XRCC4: variants seen among roughly 807,000 people sequenced by gnomAD.
XRCC4 encodes the protein DNA repair protein XRCC4.
Under a neutral mutation model 39.1 loss-of-function variants are expected in XRCC4, and 28 were observed. The observed-to-expected ratio is 0.72, with a 90% CI of 0.53 to 0.98. XRCC4 has a LOEUF of 0.98. XRCC4 is among the 50% of genes least tolerant of loss of function. The probability of loss-of-function intolerance (pLI) is 0.00; values close to 1 mark genes in which losing one functional copy is unlikely to be tolerated. For synonymous variants in XRCC4, 123 were observed against 126.4 expected (o/e 0.97, Z 0.18); for missense variants, 350 against 376.4 (o/e 0.93, Z 0.58).
intron 3 of XRCC4, among the ~76,000 whole-genome samples, chr5:83,156,567 C>T (rs1748975366): frequency 6.6e-6 from 1 of 151,720 alleles, no homozygotes; most frequent in African/African-American, 2.4e-5. Flanking sequence ...AATTTTTTTT[C>T]ACTGAGCTAT....
At chr5:83,312,036 T>C (rs543265615) in intron 7 of XRCC4, among the ~76,000 whole-genome samples, 3 of 152,250 alleles carry the variant, frequency 2.0e-5, no homozygotes, top group East Asian at 3.9e-4. Flanking sequence ...CCTGGGAACA[T>C]ATATTCTGCC....
chr5:83,104,449 T>G (rs1339653072), intron 1 of XRCC4, among the ~76,000 whole-genome samples: 1 of 152,172 alleles, frequency 6.6e-6, no homozygotes, highest in Non-Finnish European at 1.5e-5. Context: ...AAAGAAGTGG[T>G]AAAATTTACT....
chr5:83,291,682 A>G (rs1223144726), intron 7 of XRCC4, among the ~76,000 whole-genome samples: 1 of 151,722 alleles, frequency 6.6e-6, no homozygotes, highest in Admixed American at 6.6e-5. Context: ...TCAAATTCAT[A>G]TGTACCTGAC....
At position 83,113,291 on chromosome 5, in the gene XRCC4, A is replaced by T. The variant is rs560516524; in HGVS notation, c.315+2088A>T. ...TGACTCCATATCTCACATCCAGGTG[A>T]TGCTAATGCAAGAGGCGGACTCCCA... On this transcript the variant is annotated intron_variant, in intron 3 of 7. Transcript: ENST00000396027. 1.7e-4 allele frequency among the ~76,000 whole-genome samples: 26 copies of T among 152,342 alleles called. No individual in the cohort carries two copies. The South Asian group carries it at 5.4e-3, about 32-fold the overall frequency.
chr5:83,318,139 T>C (rs1246473627), intron 7 of XRCC4, among the ~76,000 whole-genome samples: 1 of 145,990 alleles, frequency 6.8e-6, no homozygotes, highest in African/African-American at 2.8e-5. Flanking sequence ...AAAAAGCCTT[T>C]GACAAAATTC....
At chr5:83,184,995 A>G (rs943586537) in intron 3 of XRCC4, among the ~76,000 whole-genome samples, 2 of 152,090 alleles carry the variant, frequency 1.3e-5, no homozygotes, top group Non-Finnish European at 2.9e-5. Context: ...TCAGGATCCC[A>G]CTATAAATTG....
At chr5:83,226,816 C>T (rs913724757) in intron 6 of XRCC4, among the ~76,000 whole-genome samples, 1 of 152,092 alleles carries the variant, frequency 6.6e-6, no homozygotes, top group Non-Finnish European at 1.5e-5. Flanking sequence ...GATGTTTATT[C>T]GGTGCATTTG....
At chr5:83,247,905 T>G (rs1753167123) in intron 6 of XRCC4, among the ~76,000 whole-genome samples, 1 of 152,176 alleles carries the variant, frequency 6.6e-6, no homozygotes, top group African/African-American at 2.4e-5. Flanking sequence ...CATTTTTCAT[T>G]TTTCTTGATT....
intron 3 of XRCC4, among the ~76,000 whole-genome samples, chr5:83,153,469 G>C (rs1748813613): frequency 6.6e-6 from 1 of 152,100 alleles, no homozygotes; most frequent in Non-Finnish European, 1.5e-5. Flanking sequence ...TTCTCCAAAT[G>C]TAACAGTAAA....
chr5:83,271,682 A>C lies in XRCC4; in HGVS notation c.893+13005A>C, dbSNP rs576705841. Among the ~76,000 whole-genome samples the C allele has an allele frequency of 5.9e-5, 9 of 152,310 alleles. No individual in the cohort carries two copies. The South Asian group carries it at 6.2e-4, about 11-fold the overall frequency. ...GAGTCATGTTGAGTACATAAAATTT[A>C]TGCAAATGCATCATATTCTCTCTAT... On this transcript the variant is annotated intron_variant, in intron 7 of 7. Coordinates refer to ENST00000396027, the MANE Select transcript of XRCC4 (RefSeq NM_003401.5).
chr5:83,270,969 A>G (rs1028447629), intron 7 of XRCC4, among the ~76,000 whole-genome samples: 1 of 151,820 alleles, frequency 6.6e-6, no homozygotes, highest in Non-Finnish European at 1.5e-5. Context: ...TATTTTTAGT[A>G]AAGATGGGGT....
chr5:83,192,296 A>G (rs1404723387), intron 3 of XRCC4, among the ~76,000 whole-genome samples: 1 of 130,888 alleles, frequency 7.6e-6, no homozygotes, highest in Non-Finnish European at 1.7e-5. Context: ...ACGTATGTAT[A>G]CGTATATATA....
Position 83,144,574 on chromosome 5 carries a change from G to C in XRCC4, c.315+33371G>C, listed in dbSNP as rs919904314. Among the ~76,000 whole-genome samples the C allele has an allele frequency of 2.9e-4, 20 of 69,546 alleles. 1 individual carries two copies. Among genetic ancestry groups the C allele is most frequent in the Admixed American group, 4.7e-4 (2 of 4,236 alleles). The allele number at this position is 69,546 out of a possible 152,430, so 45.6% of individuals were successfully genotyped here. A position where few individuals can be genotyped will look rare whatever the true frequency, so the allele number is the denominator to read the frequency against. ...CCCACCCCCCCCCCCCCACCCCCAC[G>C]GATTGGCTGAGCTTCTTGAATCTAT... On this transcript the variant is annotated intron_variant, in intron 3 of 7. Transcript: ENST00000396027.
chr5:83,135,748 T>A (rs1390871557), intron 3 of XRCC4, among the ~76,000 whole-genome samples: 1 of 152,186 alleles, frequency 6.6e-6, no homozygotes, highest in Non-Finnish European at 1.5e-5. Context: ...TGGTGATTTT[T>A]ATCTTTCTAA....
intron 3 of XRCC4, among the ~76,000 whole-genome samples, chr5:83,128,216 A>G (rs1747373947): frequency 6.6e-6 from 1 of 152,066 alleles, no homozygotes; most frequent in East Asian, 1.9e-4. Flanking sequence ...GAGTGAGAAC[A>G]TGTGGTGCTT....
At position 83,347,293 on chromosome 5, in the gene XRCC4, C is replaced by T. The variant is rs116762570; in HGVS notation, c.894-5838C>T. On this transcript the variant is annotated intron_variant, in intron 7 of 7. Transcript: ENST00000396027. ...AAATAGGATAGTAGACATTTGTATTCGTCTTTTTTCACACTGCTATAAAGA... is the reference window on the plus strand; with the variant it reads ...AAATAGGATAGTAGACATTTGTATTTGTCTTTTTTCACACTGCTATAAAGA... Among the ~76,000 whole-genome samples the T allele has an allele frequency of 7.9e-3, 1,207 of 152,152 alleles. 12 individuals are homozygous for T. Among genetic ancestry groups the T allele is most frequent in the Middle Eastern group, 0.024 (7 of 294 alleles).
At chr5:83,263,387 A>C (rs949436687) in intron 7 of XRCC4, among the ~76,000 whole-genome samples, 1 of 151,698 alleles carries the variant, frequency 6.6e-6, no homozygotes, top group African/African-American at 2.4e-5. Flanking sequence ...GTCAAATGGT[A>C]TTTCCAGTTC....
chr5:83,081,932 C>T (rs917500149), intron 1 of XRCC4, among the ~76,000 whole-genome samples: 5 of 152,210 alleles, frequency 3.3e-5, no homozygotes, highest in African/African-American at 1.2e-4. Context: ...CATTCTTTCT[C>T]ATCTGAATTG....
chr5:83,119,544 G>C (rs1746896017), intron 3 of XRCC4, among the ~76,000 whole-genome samples: 1 of 151,824 alleles, frequency 6.6e-6, no homozygotes, highest in African/African-American at 2.4e-5. Context: ...ACTGTTTTTT[G>C]TTTGTGGACC....
Sources: gnomAD v4.1 joint callset for allele counts (sites outside exome capture counted in the v4.1 genomes callset) on GRCh38, gnomAD v4.1.1 for gene constraint, MANE v1.5 for transcripts, NCBI Gene and HGNC (gene_info 2026-07-23, HGNC 2026-07-21) for gene names.